Variants in CRBN observed in about 807,000 individuals in gnomAD.
CRBN encodes the protein protein cereblon.
Under a neutral mutation model 62.2 loss-of-function variants are expected in CRBN, and 53 were observed. The ratio of observed to expected loss-of-function variants is 0.85; its 90% confidence interval spans 0.68 to 1.07. The LOEUF (loss-of-function observed/expected upper bound fraction) is 1.07, where lower values mean the gene tolerates loss of function less well. CRBN is among the 50% of genes least tolerant of loss of function. CRBN has a pLI of 0.00. For missense variants in CRBN, 616 were observed against 531.1 expected, an observed-to-expected ratio of 1.16 and a Z score of -1.57; for synonymous variants, 208 against 176.1, an observed-to-expected ratio of 1.18 and a Z score of -1.43.
chr3:3,154,637 GTTT>G, intron 7 of CRBN, 107 bp downstream of exon 7: 1 of 710,774 alleles, frequency 1.4e-6, no homozygotes, highest in African/African-American at 1.8e-5. Flanking sequence ...GAATTAAAAT[GTTT>G]TAATCAGTCT....
At chr3:3,164,496 T>G (rs143195598) in intron 5 of CRBN, among the ~76,000 whole-genome samples, 68 of 152,284 alleles carry the variant, frequency 4.5e-4, no homozygotes, top group African/African-American at 1.5e-3. Context: ...CTGGTGACTT[T>G]AAGTTAAAGC....
intron 5 of CRBN, among the ~76,000 whole-genome samples, chr3:3,158,080 A>G (rs758698342): frequency 1.3e-5 from 2 of 152,148 alleles, no homozygotes; most frequent in Non-Finnish European, 2.9e-5. Context: ...GCCGTCCCCA[A>G]CCTTTTCGAC....
Position 3,168,604 on chromosome 3 carries a change from A to G in CRBN, c.528-811T>C, listed in dbSNP as rs866565492. 6.6e-5 allele frequency among the ~76,000 whole-genome samples: 10 copies of G among 152,308 alleles called. No homozygotes were observed. The South Asian group carries it at 2.1e-3, about 32-fold the overall frequency. ...AGTATATAACACTGTCAGACTGACA[A>G]AGTCAAATATATTAAAAGTCTCTGC... On this transcript the variant is annotated intron_variant, in intron 4 of 10. Coordinates refer to ENST00000231948, the MANE Select transcript of CRBN (RefSeq NM_016302.4).
At chr3:3,160,965 C>T (rs1408015230) in intron 5 of CRBN, among the ~76,000 whole-genome samples, 1 of 152,188 alleles carries the variant, frequency 6.6e-6, no homozygotes, top group Non-Finnish European at 1.5e-5. Context: ...GAATTTATAT[C>T]AGGATCAACT....
intron 1 of CRBN, among the ~76,000 whole-genome samples, chr3:3,179,350 A>C (rs529041446): frequency 1.3e-5 from 2 of 152,290 alleles, no homozygotes; most frequent in Non-Finnish European, 2.9e-5. Context: ...TCAGAACACA[A>C]GGAGGATGGA....
chr3:3,152,929 G>A, intron 9 of CRBN: 1 of 328,912 alleles, frequency 3.0e-6, no homozygotes, highest in Non-Finnish European at 5.7e-6. Context: ...GGTCCTGTGT[G>A]GTCATTTTGG....
At chr3:3,172,700 T>C (rs878983759) in intron 4 of CRBN, 76 bp downstream of exon 4, 5 of 1,453,006 alleles carry the variant, frequency 3.4e-6, no homozygotes, top group South Asian at 1.1e-5. Context: ...GAAGGCTCAG[T>C]AGAACAGAAA....
At position 3,153,501 on chromosome 3, in the gene CRBN, A is replaced by G. The variant is rs760603312; in HGVS notation, c.952-13T>C. 4.6e-6 allele frequency: 7 copies of G among 1,507,866 alleles called. No homozygotes were observed. In the African/African-American group the frequency reaches 6.9e-5, roughly 15 times the overall value. The allele number at this position is 1,507,866 out of a possible 1,614,324, so 93.4% of individuals were successfully genotyped here. A position where few individuals can be genotyped will look rare whatever the true frequency, so the allele number is the denominator to read the frequency against. On this transcript the variant is annotated splice_polypyrimidine_tract_variant and intron_variant, in intron 8 of 10. Coordinates refer to ENST00000231948, the MANE Select transcript of CRBN (RefSeq NM_016302.4). Reference sequence around the variant, plus strand: ...AAAGGGAAGTACACTAAAAGATTTGAGAGAAAAATTATTGGTAGGAAAAAC... The same window carrying G: ...AAAGGGAAGTACACTAAAAGATTTGGGAGAAAAATTATTGGTAGGAAAAAC...
At chr3:3,156,566 G>T in intron 5 of CRBN, 1 of 445,848 alleles carries the variant, frequency 2.2e-6, no homozygotes, top group Non-Finnish European at 4.0e-6. Context: ...AATGTTGAGA[G>T]TAAACACCAT....
At chr3:3,159,346 A>T (rs1707041095) in intron 5 of CRBN, among the ~76,000 whole-genome samples, 2 of 152,164 alleles carry the variant, frequency 1.3e-5, no homozygotes, top group African/African-American at 4.8e-5. Context: ...GACCCAACTG[A>T]AAGTTTTAGT....
intron 6 of CRBN, chr3:3,155,947 C>T (rs1036139249): frequency 2.3e-5 from 9 of 389,846 alleles, no homozygotes; most frequent in African/African-American, 1.2e-4. Context: ...GCTGGGACTA[C>T]AGCCACATGC....
chr3:3,161,111 A>G (rs1396549381), intron 5 of CRBN, among the ~76,000 whole-genome samples: 2 of 152,208 alleles, frequency 1.3e-5, no homozygotes, highest in Admixed American at 6.5e-5. Flanking sequence ...AAATTAAACT[A>G]TGTAAGAACA....
chr3:3,157,631 C>T (rs1487670317), intron 5 of CRBN, among the ~76,000 whole-genome samples: 1 of 152,060 alleles, frequency 6.6e-6, no homozygotes, highest in African/African-American at 2.4e-5. Flanking sequence ...CTGCAGGAAA[C>T]GTGGGAACAC....
intron 5 of CRBN, among the ~76,000 whole-genome samples, chr3:3,159,109 C>A (rs889716421): frequency 1.3e-5 from 2 of 152,290 alleles, no homozygotes; most frequent in East Asian, 3.9e-4. Flanking sequence ...CCTAGCCATG[C>A]TGAACTGTGA....
At chr3:3,166,530 A>T (rs1707358932) in intron 5 of CRBN, among the ~76,000 whole-genome samples, 1 of 152,200 alleles carries the variant, frequency 6.6e-6, no homozygotes, top group Admixed American at 6.5e-5. Context: ...TAAACGTTAA[A>T]AAATACTAGT....
At chr3:3,178,281 C>G (rs2126071621) in intron 1 of CRBN, among the ~76,000 whole-genome samples, 1 of 152,336 alleles carries the variant, frequency 6.6e-6, no homozygotes, top group South Asian at 2.1e-4. Context: ...CAACCAGTGA[C>G]TATGGTTTAT....
At chr3:3,168,343 A>G (rs527342523) in intron 4 of CRBN, among the ~76,000 whole-genome samples, 1 of 152,304 alleles carries the variant, frequency 6.6e-6, no homozygotes, top group Non-Finnish European at 1.5e-5. Flanking sequence ...CACGTTCTTA[A>G]GAGTTTAACT....
At chr3:3,158,099 C>A (rs140779625) in intron 5 of CRBN, among the ~76,000 whole-genome samples, 354 of 152,244 alleles carry the variant, frequency 2.3e-3, no homozygotes, top group African/African-American at 8.2e-3. Flanking sequence ...ACACCAGGGA[C>A]CAGTCTCGTG....
intron 1 of CRBN, among the ~76,000 whole-genome samples, chr3:3,178,021 A>C (rs534580506): frequency 0.012 from 1,752 of 152,088 alleles, 33 homozygotes; most frequent in Middle Eastern, 0.031. Flanking sequence ...AACAAACAAA[A>C]AAAAAACAAA....
Sources: gnomAD v4.1 joint callset for allele counts (sites outside exome capture counted in the v4.1 genomes callset) on GRCh38, gnomAD v4.1.1 for gene constraint, MANE v1.5 for transcripts, NCBI Gene and HGNC (gene_info 2026-07-23, HGNC 2026-07-21) for gene names.